ASIC2: variants seen among roughly 807,000 people sequenced by gnomAD.
ASIC2 encodes acid-sensing ion channel 2.
A neutral mutation model predicts 57.3 loss-of-function variants in ASIC2; 25 were observed. That is an observed-to-expected ratio of 0.44 (90% CI 0.32 to 0.61). The LOEUF (loss-of-function observed/expected upper bound fraction) is 0.61, where lower values mean the gene tolerates loss of function less well. Ranked by LOEUF, ASIC2 falls within the 20% of genes least tolerant of loss-of-function variation. ASIC2 has a pLI of 0.06. For missense variants in ASIC2, 641 were observed against 738.1 expected (o/e 0.87, Z 1.52); for synonymous variants, 319 against 307.5 (o/e 1.04, Z -0.39).
At chr17:33,181,127 A>G (rs1905967213) in intron 1 of ASIC2, among the ~76,000 whole-genome samples, 1 of 152,164 alleles carries the variant, frequency 6.6e-6, no homozygotes, top group African/African-American at 2.4e-5. Context: ...TCTAGTCAAA[A>G]TGTCAGGCAG....
chr17:33,400,377 A>G (rs71377488), intron 1 of ASIC2, among the ~76,000 whole-genome samples: 1,833 of 152,334 alleles, frequency 0.012, 30 homozygotes, highest in Admixed American at 0.049. Context: ...CTGGTATGGG[A>G]AGACCAAGCA....
At chr17:33,095,849 C>A (rs1289054889) in intron 2 of ASIC2, among the ~76,000 whole-genome samples, 1 of 152,244 alleles carries the variant, frequency 6.6e-6, no homozygotes, top group Non-Finnish European at 1.5e-5. Flanking sequence ...TCCCTGGGGA[C>A]CTGTTCATTA....
chr17:33,624,728 G>T (rs1370902412), intron 1 of ASIC2, among the ~76,000 whole-genome samples: 2 of 152,164 alleles, frequency 1.3e-5, no homozygotes, highest in African/African-American at 4.8e-5. Flanking sequence ...GGCACTGGAT[G>T]GTCACTTCTA....
chr17:33,702,566 A>G (rs1429576514), intron 1 of ASIC2, among the ~76,000 whole-genome samples: 3 of 152,186 alleles, frequency 2.0e-5, no homozygotes, highest in Non-Finnish European at 4.4e-5. Context: ...CAAAAGGAAA[A>G]AAGGCCTTGC....
chr17:33,572,691 G>C (rs1432968951), intron 1 of ASIC2, among the ~76,000 whole-genome samples: 1 of 152,200 alleles, frequency 6.6e-6, no homozygotes, highest in East Asian at 1.9e-4. Context: ...CCGCTTACCT[G>C]AATCAAGGCT....
At chr17:33,555,700 C>T (rs1220876399) in intron 1 of ASIC2, among the ~76,000 whole-genome samples, 1 of 152,046 alleles carries the variant, frequency 6.6e-6, no homozygotes, top group Non-Finnish European at 1.5e-5. Flanking sequence ...AATTGGACCT[C>T]AGGTGTGAAG....
At chr17:33,484,944 A>C (rs1301954872) in intron 1 of ASIC2, among the ~76,000 whole-genome samples, 4 of 152,256 alleles carry the variant, frequency 2.6e-5, no homozygotes, top group South Asian at 2.1e-4. Flanking sequence ...CACTGTCAGC[A>C]CACCTATGGG....
chr17:33,351,076 A>C (rs1908155158), intron 1 of ASIC2, among the ~76,000 whole-genome samples: 1 of 152,186 alleles, frequency 6.6e-6, no homozygotes, highest in Non-Finnish European at 1.5e-5. Context: ...CTTTGGTGTC[A>C]GAAAGCCCTT....
At chr17:33,248,393 A>G (rs1014646922) in intron 1 of ASIC2, among the ~76,000 whole-genome samples, 1 of 152,248 alleles carries the variant, frequency 6.6e-6, no homozygotes, top group African/African-American at 2.4e-5. Flanking sequence ...TGAGAGAGGC[A>G]GCCACTGGGT....
chr17:33,144,334 G>C (rs1036268852), intron 1 of ASIC2, among the ~76,000 whole-genome samples: 5 of 152,070 alleles, frequency 3.3e-5, no homozygotes, highest in African/African-American at 1.2e-4. Flanking sequence ...GAACAAGAGT[G>C]GGGGAGAAAG....
At chr17:33,612,636 G>T (rs778276678) in intron 1 of ASIC2, among the ~76,000 whole-genome samples, 11 of 152,152 alleles carry the variant, frequency 7.2e-5, no homozygotes, top group Non-Finnish European at 1.2e-4. Flanking sequence ...AGTAATCTGT[G>T]TCATTTTCAG....
At chr17:33,456,430 C>G (rs910466932) in intron 1 of ASIC2, among the ~76,000 whole-genome samples, 3 of 152,106 alleles carry the variant, frequency 2.0e-5, no homozygotes, top group Admixed American at 6.5e-5. Context: ...CAGTCTATTC[C>G]CAGATTGCAA....
intron 1 of ASIC2, chr17:34,039,090 T>C (rs1908000277): frequency 6.2e-7 from 1 of 1,613,998 alleles, no homozygotes; most frequent in Non-Finnish European, 8.5e-7. Context: ...TATTTAATCG[T>C]TCCTTGTATT....
chr17:33,233,637 C>T (rs897739154), intron 1 of ASIC2, among the ~76,000 whole-genome samples: 2 of 150,394 alleles, frequency 1.3e-5, no homozygotes, highest in Non-Finnish European at 3.0e-5. Flanking sequence ...TTTTTCTGAA[C>T]GGCATCAGGC....
intron 1 of ASIC2, among the ~76,000 whole-genome samples, chr17:33,451,792 C>A (rs761571354): frequency 2.6e-5 from 4 of 152,162 alleles, no homozygotes; most frequent in Non-Finnish European, 5.9e-5. Context: ...CAGGACCTGA[C>A]CTAGTTTGTT....
chr17:33,037,790 C>T (rs1049865000), intron 3 of ASIC2, among the ~76,000 whole-genome samples: 3 of 152,160 alleles, frequency 2.0e-5, no homozygotes, highest in Non-Finnish European at 2.9e-5. Flanking sequence ...GCATTGGATA[C>T]ATTCTGGCTC....
chr17:33,875,482 G>T (rs774904135), intron 1 of ASIC2, among the ~76,000 whole-genome samples: 56 of 152,240 alleles, frequency 3.7e-4, no homozygotes, highest in Non-Finnish European at 5.4e-4. Flanking sequence ...AAAACAGAAG[G>T]TTTTTAGGCC....
At chr17:33,352,040 C>T (rs1474825044) in intron 1 of ASIC2, among the ~76,000 whole-genome samples, 1 of 152,128 alleles carries the variant, frequency 6.6e-6, no homozygotes, top group Non-Finnish European at 1.5e-5. Flanking sequence ...TGGTCCTCCC[C>T]TTGAGTGTTT....
intron 1 of ASIC2, among the ~76,000 whole-genome samples, chr17:33,490,176 G>A (rs1290315310): frequency 1.3e-5 from 2 of 152,232 alleles, no homozygotes; most frequent in Non-Finnish European, 2.9e-5. Context: ...ATAAGGTAGA[G>A]TTAGGTCATT....
Sources: allele counts gnomAD v4.1 joint callset (sites outside exome capture counted in the v4.1 genomes callset), GRCh38; gene constraint gnomAD v4.1.1; transcripts MANE v1.5; gene names NCBI Gene and HGNC (gene_info 2026-07-23, HGNC 2026-07-21).